Variants in PKNOX1 observed in about 807,000 individuals in gnomAD.
PKNOX1 encodes PBX/knotted 1 homeobox 1.
A neutral mutation model predicts 51.9 loss-of-function variants in PKNOX1; 15 were observed. The observed-to-expected ratio is 0.29, with a 90% CI of 0.19 to 0.45. The LOEUF (loss-of-function observed/expected upper bound fraction) is 0.45, where lower values mean the gene tolerates loss of function less well. Among genes scored for constraint, PKNOX1 ranks in the 20% least tolerant of loss-of-function variants. PKNOX1 has a pLI of 1.00. For synonymous variants in PKNOX1, 219 were observed against 211.1 expected, an observed-to-expected ratio of 1.04 and a Z score of -0.32; for missense variants, 462 against 547.5, an observed-to-expected ratio of 0.84 and a Z score of 1.56.
At chr21:42,986,927 G>A (rs2059054899) in intron 1 of PKNOX1, among the ~76,000 whole-genome samples, 1 of 152,184 alleles carries the variant, frequency 6.6e-6, no homozygotes, top group African/African-American at 2.4e-5. Context: ...CAGCTAGGAG[G>A]TGGCACTCTG....
intron 1 of PKNOX1, among the ~76,000 whole-genome samples, chr21:42,980,553 AG>A (rs1339664286): frequency 6.6e-6 from 1 of 151,942 alleles, no homozygotes; most frequent in Non-Finnish European, 1.5e-5. Context: ...CTGGTGGGAG[AG>A]GGGGCGTCTT....
chr21:42,977,073 G>A (rs35457768), intron 1 of PKNOX1, among the ~76,000 whole-genome samples: 5,790 of 152,212 alleles, frequency 0.038, 140 homozygotes, highest in Middle Eastern at 0.061. Context: ...GTCAGTGAAC[G>A]GTAATATTTT....
chr21:42,977,169 A>G (rs2059001199), intron 1 of PKNOX1, among the ~76,000 whole-genome samples: 2 of 152,208 alleles, frequency 1.3e-5, no homozygotes, highest in Admixed American at 1.3e-4. Context: ...GAGCACAGGC[A>G]AGAGTAGACG....
chr21:43,015,131 C>T (rs1354217603), intron 5 of PKNOX1, among the ~76,000 whole-genome samples: 3 of 152,350 alleles, frequency 2.0e-5, no homozygotes, highest in Non-Finnish European at 4.4e-5. Flanking sequence ...TGTGCCATCT[C>T]GAATAAGAGT....
At chr21:42,978,386 T>G (rs983711677) in intron 1 of PKNOX1, among the ~76,000 whole-genome samples, 3 of 152,122 alleles carry the variant, frequency 2.0e-5, no homozygotes. Flanking sequence ...TGATTTAAAA[T>G]TTCAAAAATT....
intron 4 of PKNOX1, among the ~76,000 whole-genome samples, chr21:43,012,339 C>T (rs190794204): frequency 3.3e-5 from 5 of 152,320 alleles, no homozygotes; most frequent in Non-Finnish European, 7.3e-5. Flanking sequence ...GCAGGTGGAT[C>T]ACCTGAGGTC....
rs763965042 is a variant in PKNOX1, at chr21:43,033,029, T to C, written c.*2928T>C. On this transcript the variant is annotated 3_prime_UTR_variant, in exon 11 of 11. Coordinates refer to ENST00000291547, the MANE Select transcript of PKNOX1 (RefSeq NM_004571.5). The stretch of plus-strand genomic sequence containing the variant: ...ATGATCAGATTCGGTTCCAGTTTTA[T>C]TCTTGTTGAGTTTTTCCCTATGAAG... The C allele has an allele frequency of 4.6e-5, 7 of 152,202 alleles. No homozygotes were observed. Among genetic ancestry groups the C allele is most frequent in the Non-Finnish European group, 1.0e-4 (7 of 68,036 alleles). 9.4% of individuals were successfully genotyped at this position (152,202 alleles called of 1,614,324 possible).
Position 43,030,114 on chromosome 21 carries a change from A to G in PKNOX1, c.*13A>G, listed in dbSNP as rs1980190827. On this transcript the variant is annotated 3_prime_UTR_variant, in exon 11 of 11. Transcript: ENST00000291547. Reference sequence around the variant, plus strand: ...CTCCCTGCAGTAGGGGCAGGAGCAGACGCACCTGACTTTTTGGAGTTTGCA... The same window carrying G: ...CTCCCTGCAGTAGGGGCAGGAGCAGGCGCACCTGACTTTTTGGAGTTTGCA... The G allele has an allele frequency of 6.4e-7, 1 of 1,561,060 alleles. No homozygotes were observed. The highest frequency in any genetic ancestry group is 2.3e-5 in the East Asian group (1 of 43,866).
chr21:42,999,781 G>A (rs1487041465), intron 1 of PKNOX1, among the ~76,000 whole-genome samples: 1 of 152,062 alleles, frequency 6.6e-6, no homozygotes, highest in African/African-American at 2.4e-5. Flanking sequence ...TCCCGGCTGG[G>A]ATTTTCTTTT....
chr21:43,021,591 T>C lies in PKNOX1; in HGVS notation c.849+160T>C, dbSNP rs938133524. 6.6e-6 allele frequency among the ~76,000 whole-genome samples: 1 copy of C among 152,170 alleles called. No homozygotes were observed. Among genetic ancestry groups the C allele is most frequent in the Non-Finnish European group, 1.5e-5 (1 of 68,026 alleles). On this transcript the variant is annotated intron_variant, in intron 8 of 10. Transcript: ENST00000291547. This position sits in a 1 kb window ranked among gnomAD's most constrained non-coding sequence, Gnocchi z 4.6. ...CCATAATGTGGGGAGCGTGGGGCAC[T>C]GCTGCAGGGAACTTGAAGGGCAATG... is the stretch of plus-strand genomic sequence containing the variant.
chr21:43,001,683 G>A (rs945103086), intron 1 of PKNOX1, among the ~76,000 whole-genome samples: 18 of 152,024 alleles, frequency 1.2e-4, no homozygotes, highest in African/African-American at 4.1e-4. Flanking sequence ...AAAGTTGGCC[G>A]GGCTCAGTGG....
intron 1 of PKNOX1, among the ~76,000 whole-genome samples, chr21:42,989,077 C>T (rs2059072283): frequency 6.6e-6 from 1 of 152,182 alleles, no homozygotes; most frequent in Non-Finnish European, 1.5e-5. Context: ...TCTCCCTCAT[C>T]CCTTCCTTTT....
chr21:43,031,147 A>G lies in PKNOX1; in HGVS notation c.*1046A>G, dbSNP rs761907909. The G allele has an allele frequency of 9.2e-5, 14 of 152,696 alleles. No individual in the cohort carries two copies. Among genetic ancestry groups the G allele is most frequent in the Admixed American group, 4.6e-4 (7 of 15,280 alleles). The allele number at this position is 152,696 out of a possible 1,614,324, so 9.5% of individuals were successfully genotyped here. On this transcript the variant is annotated 3_prime_UTR_variant, in exon 11 of 11. Coordinates refer to ENST00000291547, the MANE Select transcript of PKNOX1 (RefSeq NM_004571.5). ...TACCATGTTAGCTGTGTATTGTTTT[A>G]AAAGTTTTAACTTCAAAATATGTTA...
At chr21:42,977,662 C>T (rs145077761) in intron 1 of PKNOX1, among the ~76,000 whole-genome samples, 2 of 150,630 alleles carry the variant, frequency 1.3e-5, no homozygotes, top group Non-Finnish European at 2.9e-5. Context: ...ATTCTCCTGC[C>T]TCAGCCTCCG....
In PKNOX1 at chr21:42,996,007, A is replaced by C. The variant is rs552287070; in HGVS notation, c.-56-8319A>C. Among the ~76,000 whole-genome samples the C allele has an allele frequency of 1.2e-3, 182 of 152,266 alleles. 2 individuals are homozygous for C. Among genetic ancestry groups the C allele is most frequent in the African/African-American group, 4.3e-3 (177 of 41,568 alleles). On this transcript the variant is annotated intron_variant, in intron 1 of 10. Transcript: ENST00000291547. The stretch of plus-strand genomic sequence containing the variant: ...GGCAGGACGATAGCTTGAGGCCAGG[A>C]GCTTGAGACCAGCCTGGGCAACAAA...
intron 9 of PKNOX1, among the ~76,000 whole-genome samples, chr21:43,026,833 G>C (rs1980002568): frequency 8.7e-6 from 1 of 115,182 alleles, no homozygotes; most frequent in Admixed American, 8.9e-5. Flanking sequence ...GTTGTGGGTG[G>C]CCATGGAGCT....
At chr21:42,997,272 C>T (rs972429627) in intron 1 of PKNOX1, among the ~76,000 whole-genome samples, 4 of 152,226 alleles carry the variant, frequency 2.6e-5, no homozygotes, top group African/African-American at 7.2e-5. Context: ...CACTTCTCCA[C>T]AGGACTAGTG....
At chr21:43,027,127 G>T (rs1219954997) in intron 9 of PKNOX1, among the ~76,000 whole-genome samples, 1 of 152,122 alleles carries the variant, frequency 6.6e-6, no homozygotes, top group Non-Finnish European at 1.5e-5. Flanking sequence ...CAGCTATCCA[G>T]ATAGAGAAGT....
chr21:42,991,492 C>T (rs559522587), intron 1 of PKNOX1, among the ~76,000 whole-genome samples: 2 of 152,102 alleles, frequency 1.3e-5, no homozygotes, highest in South Asian at 2.1e-4. Flanking sequence ...TTTGGGAGAT[C>T]GAGGCAGTAG....
Sources: gnomAD v4.1 joint callset for allele counts (sites outside exome capture counted in the v4.1 genomes callset) on GRCh38, gnomAD v4.1.1 for gene constraint, Gnocchi (gnomAD v3.1) non-coding constraint, MANE v1.5 for transcripts, NCBI Gene and HGNC (gene_info 2026-07-23, HGNC 2026-07-21) for gene names.